RAP1GDS1: variants seen among roughly 807,000 people sequenced by gnomAD.
The protein encoded by RAP1GDS1 is Rap1 GTPase-GDP dissociation stimulator 1, also known as RAP1, GTP-GDP dissociation stimulator 1.
In RAP1GDS1, 35 loss-of-function variants were observed where a neutral mutation model predicts 71.1. The ratio of observed to expected loss-of-function variants is 0.49; its 90% CI spans 0.38 to 0.65. RAP1GDS1 has a LOEUF of 0.65. RAP1GDS1 is among the 30% of genes least tolerant of loss of function. The pLI is 0.00. For missense variants in RAP1GDS1, 663 were observed against 706.1 expected, an observed-to-expected ratio of 0.94 and a Z score of 0.69; for synonymous variants, 229 against 243.1, an observed-to-expected ratio of 0.94 and a Z score of 0.54.
At position 98,436,995 on chromosome 4, in the gene RAP1GDS1, G is replaced by A; in HGVS notation, c.1623G>A (p.Leu541=). The part of the protein sequence containing the change: ...SAKLVQILHR[L]LADERSAPEI... ...AACTTGTACAGATTTTACATAGACT[G>A]CTAGCAGATGAGAGAAGTGCTCCTG... Residue 541 remains leucine (L), a synonymous_variant, in exon 14 of 15, where the codon CTG becomes CTA. Transcript: ENST00000408927. 1.9e-6 allele frequency: 3 copies of A among 1,612,692 alleles called. No individual in the cohort carries two copies. Among genetic ancestry groups the A allele is most frequent in the Middle Eastern group, 1.7e-4 (1 of 6,014 alleles).
chr4:98,335,183 A>G (rs1283101618), intron 2 of RAP1GDS1, among the ~76,000 whole-genome samples: 1 of 152,160 alleles, frequency 6.6e-6, no homozygotes, highest in Non-Finnish European at 1.5e-5. Flanking sequence ...GGAAAATCCC[A>G]TAAATTCTGT....
chr4:98,282,407 A>C (rs1159359880), intron 1 of RAP1GDS1, among the ~76,000 whole-genome samples: 2 of 152,058 alleles, frequency 1.3e-5, no homozygotes, highest in East Asian at 3.8e-4. Context: ...AGAGGTGTTT[A>C]TAGTATTCTC....
Position 98,343,225 on chromosome 4 carries a change from A to G in RAP1GDS1, c.199A>G (p.Lys67Glu), listed in dbSNP as rs200654971. 3 of 1,605,864 alleles carry G rather than the reference A, an allele frequency of 1.9e-6. No homozygotes were observed. Among genetic ancestry groups the G allele is most frequent in the African/African-American group, 2.7e-5 (2 of 74,750 alleles). The change falls in exon 3 of 15, where the codon AAA (lysine) becomes GAA (glutamate). Residue 67 changes from lysine to glutamate, a missense_variant. Transcript: ENST00000408927. ...GACTCCACAGTCTTCCTGCAAAGCC[A>G]AAGTAGCTAACATCATAGCAGAAGT... is the stretch of plus-strand genomic sequence containing the variant. ...LLTPQSSCKA[K>E]VANIIAEVAK...
At chr4:98,357,324 G>T (rs1052089894) in intron 4 of RAP1GDS1, among the ~76,000 whole-genome samples, 1 of 151,878 alleles carries the variant, frequency 6.6e-6, no homozygotes. Context: ...TCAGTAAGTA[G>T]CGTAAAAATA....
intron 4 of RAP1GDS1, among the ~76,000 whole-genome samples, chr4:98,353,345 G>A (rs1737492402): frequency 6.6e-6 from 1 of 152,078 alleles, no homozygotes; most frequent in Non-Finnish European, 1.5e-5. Flanking sequence ...TAGGAATTTA[G>A]TTTTATTTCT....
At chr4:98,388,621 G>A (rs940238394) in intron 5 of RAP1GDS1, among the ~76,000 whole-genome samples, 1 of 152,184 alleles carries the variant, frequency 6.6e-6, no homozygotes, top group African/African-American at 2.4e-5. Flanking sequence ...AGCTACTCGG[G>A]AGGCTGAGGC....
intron 5 of RAP1GDS1, among the ~76,000 whole-genome samples, chr4:98,389,149 CA>C (rs959616818): frequency 5.9e-5 from 9 of 152,116 alleles, no homozygotes; most frequent in Non-Finnish European, 1.0e-4. Flanking sequence ...GTGGCAAGAG[CA>C]AATAAAATCT....
chr4:98,310,931 T>C (rs1254679141), intron 2 of RAP1GDS1, among the ~76,000 whole-genome samples: 1 of 152,114 alleles, frequency 6.6e-6, no homozygotes, highest in East Asian at 1.9e-4. Context: ...TATATTTCCC[T>C]TGGACAGCCA....
intron 14 of RAP1GDS1, among the ~76,000 whole-genome samples, chr4:98,437,534 C>T (rs1027593102): frequency 2.5e-4 from 38 of 152,098 alleles, no homozygotes; most frequent in African/African-American, 8.2e-4. Context: ...TGGCTCATGC[C>T]TGTACTCCCA....
At chr4:98,299,989 A>G (rs1237171729) in intron 2 of RAP1GDS1, among the ~76,000 whole-genome samples, 1 of 152,182 alleles carries the variant, frequency 6.6e-6, no homozygotes, top group Non-Finnish European at 1.5e-5. Flanking sequence ...GACACAAAGA[A>G]TTTAGAATAT....
intron 6 of RAP1GDS1, among the ~76,000 whole-genome samples, chr4:98,393,390 A>G (rs1744020140): frequency 6.6e-6 from 1 of 152,168 alleles, no homozygotes; most frequent in Admixed American, 6.6e-5. Flanking sequence ...CCTAATTAAC[A>G]CATTTTTTCT....
rs142697815 is a variant in RAP1GDS1 at position 98,327,272 on chromosome 4, TA to T, written c.113-15864del. 9.1e-3 allele frequency among the ~76,000 whole-genome samples: 1,390 copies of T among 152,334 alleles called. 23 individuals carry two copies. The highest frequency in any genetic ancestry group is 0.032 in the African/African-American group (1,320 of 41,570). On this transcript the variant is annotated intron_variant, in intron 2 of 14. Transcript: ENST00000408927. ...TGCCATGGGAATACATGTGCCATGA[TA>T]AACTATGCATGTTTCAGGGAAGTAC...
intron 3 of RAP1GDS1, among the ~76,000 whole-genome samples, chr4:98,346,769 C>T (rs899092256): frequency 6.6e-6 from 1 of 152,148 alleles, no homozygotes; most frequent in Non-Finnish European, 1.5e-5. Flanking sequence ...TGGTCTCGAA[C>T]TCCTGACCTC....
At chr4:98,414,428 A>C (rs1451824896) in intron 7 of RAP1GDS1, among the ~76,000 whole-genome samples, 1 of 139,858 alleles carries the variant, frequency 7.2e-6, no homozygotes, top group Non-Finnish European at 1.5e-5. Context: ...TCAGCTTTCT[A>C]CATATGGCTA....
chr4:98,406,217 G>A (rs984933064), intron 7 of RAP1GDS1, among the ~76,000 whole-genome samples: 1 of 152,006 alleles, frequency 6.6e-6, no homozygotes, highest in African/African-American at 2.4e-5. Flanking sequence ...CAGTATTTCA[G>A]TAATTACGTT....
chr4:98,382,252 T>C (rs1215204242), intron 5 of RAP1GDS1, among the ~76,000 whole-genome samples: 1 of 151,684 alleles, frequency 6.6e-6, no homozygotes, highest in Non-Finnish European at 1.5e-5. Context: ...GCAAAAGTTA[T>C]AATTGCTTAG....
At chr4:98,389,017 T>C (rs1743203102) in intron 5 of RAP1GDS1, among the ~76,000 whole-genome samples, 2 of 140,464 alleles carry the variant, frequency 1.4e-5, no homozygotes, top group Non-Finnish European at 3.0e-5. Flanking sequence ...GTTTTACTAT[T>C]TGTGATGGTG....
intron 5 of RAP1GDS1, chr4:98,379,428 T>G (rs1578657352): frequency 3.7e-6 from 1 of 268,888 alleles, no homozygotes; most frequent in Non-Finnish European, 6.9e-6. Context: ...GATTTAAGCA[T>G]TCTTACTGTG....
rs187595580 is a variant in RAP1GDS1 at position 98,267,716 on chromosome 4, A to G, written c.4+6147A>G. ...GGGTGCATAGTATTCCATGGTATATATGTGTCACATTTTCTTTATCCAATC... is the reference window on the plus strand; with the variant it reads ...GGGTGCATAGTATTCCATGGTATATGTGTGTCACATTTTCTTTATCCAATC... On this transcript the variant is annotated intron_variant, in intron 1 of 14. Coordinates refer to ENST00000408927, the MANE Select transcript of RAP1GDS1 (RefSeq NM_001100427.2). Among the ~76,000 whole-genome samples the G allele has an allele frequency of 1.1e-3, 173 of 152,228 alleles. 1 individual carries two copies. The South Asian group carries it at 0.018, about 16-fold the overall frequency.
Sources: allele counts gnomAD v4.1 joint callset (sites outside exome capture counted in the v4.1 genomes callset), GRCh38; gene constraint gnomAD v4.1.1; transcripts MANE v1.5; gene names NCBI Gene and HGNC (gene_info 2026-07-23, HGNC 2026-07-21).